Variants in TBC1D12 observed in about 807,000 individuals in gnomAD.
The protein encoded by TBC1D12 is TBC1 domain family, member 12.
In TBC1D12, 56 loss-of-function variants were observed where a neutral mutation model predicts 86.7. That is an observed-to-expected ratio of 0.65 (90% CI 0.52 to 0.81). TBC1D12 has a LOEUF of 0.81. Among genes scored for constraint, TBC1D12 ranks in the 30% least tolerant of loss-of-function variants. The pLI is 0.00. For synonymous variants in TBC1D12, 421 were observed against 411.7 expected (o/e 1.02, Z -0.27); for missense variants, 1,023 against 1,038.8 (o/e 0.98, Z 0.21).
intron 6 of TBC1D12, among the ~76,000 whole-genome samples, chr10:94,500,534 G>A (rs2134188571): frequency 6.6e-6 from 1 of 152,124 alleles, no homozygotes; most frequent in East Asian, 1.9e-4. Context: ...AAGATTTATG[G>A]TTTTCCCTTT....
Position 94,531,182 on chromosome 10 carries a change from A to AT in TBC1D12, c.2001-15dup, listed in dbSNP as rs769343677. The AT allele has an allele frequency of 6.3e-7, 1 of 1,596,310 alleles. No homozygotes were observed. The highest frequency in any genetic ancestry group is 1.1e-5 in the South Asian group (1 of 88,386). ...CAATGAATGAAAAATTTCAGTGACC[A>AT]TTTTTCCCTCTAATTTTAGGATCTT... is the stretch of plus-strand genomic sequence containing the variant. On this transcript the variant is annotated intron_variant, in intron 11 of 12. Coordinates refer to ENST00000225235, the MANE Select transcript of TBC1D12 (RefSeq NM_015188.2).
At chr10:94,507,449 A>G (rs889914989) in intron 7 of TBC1D12, 102 bp downstream of exon 7, 1 of 1,042,658 alleles carries the variant, frequency 9.6e-7, no homozygotes, top group African/African-American at 1.7e-5. Flanking sequence ...ATCTTATTTA[A>G]TCTTAACCCT....
At chr10:94,428,454 AT>A (rs1430612509) in intron 1 of TBC1D12, among the ~76,000 whole-genome samples, 1 of 151,120 alleles carries the variant, frequency 6.6e-6, no homozygotes, top group African/African-American at 2.4e-5. Context: ...TGCCTGGCTA[AT>A]TTTTATACTT....
intron 1 of TBC1D12, among the ~76,000 whole-genome samples, chr10:94,438,149 G>A (rs1444595339): frequency 6.6e-6 from 1 of 151,500 alleles, no homozygotes; most frequent in Non-Finnish European, 1.5e-5. Context: ...ATTTTTTGTT[G>A]TTGACAACTG....
At chr10:94,509,934 A>G (rs1311882878) in intron 7 of TBC1D12, 157 bp from the exon 8 acceptor site, 3 of 591,022 alleles carry the variant, frequency 5.1e-6, no homozygotes, top group Non-Finnish European at 8.7e-6. Flanking sequence ...CAAGAGAATA[A>G]CAAGTTCTAA....
At chr10:94,404,185 C>T (rs1420509793) in intron 1 of TBC1D12, among the ~76,000 whole-genome samples, 2 of 152,194 alleles carry the variant, frequency 1.3e-5, no homozygotes, top group African/African-American at 4.8e-5. Flanking sequence ...TATTAAAATG[C>T]AGTTTGGTGT....
intron 1 of TBC1D12, among the ~76,000 whole-genome samples, chr10:94,405,506 T>C (rs1158229637): frequency 6.6e-6 from 1 of 152,214 alleles, no homozygotes. Flanking sequence ...AAGCTTGTAC[T>C]GGCAGTATTC....
intron 2 of TBC1D12, among the ~76,000 whole-genome samples, chr10:94,458,080 C>T (rs934453526): frequency 1.3e-5 from 2 of 151,986 alleles, no homozygotes; most frequent in Non-Finnish European, 2.9e-5. Context: ...TTGTTTATCC[C>T]CTCTAAAATT....
chr10:94,521,010 C>A (rs1389465550), intron 9 of TBC1D12, among the ~76,000 whole-genome samples: 4 of 151,996 alleles, frequency 2.6e-5, no homozygotes, highest in African/African-American at 9.7e-5. Context: ...TTATACAAAT[C>A]TCTTCTAGAA....
chr10:94,450,176 ATATC>A (rs1439054568), intron 2 of TBC1D12, among the ~76,000 whole-genome samples: 3 of 152,166 alleles, frequency 2.0e-5, no homozygotes, highest in Non-Finnish European at 2.9e-5. Context: ...GCATATATCT[ATATC>A]TATATCTACA....
chr10:94,424,529 G>A (rs577241157), intron 1 of TBC1D12, among the ~76,000 whole-genome samples: 1 of 152,170 alleles, frequency 6.6e-6, no homozygotes, highest in African/African-American at 2.4e-5. Flanking sequence ...CTAGAATAAG[G>A]CCTTTCTGTT....
At chr10:94,474,504 C>CA (rs972368174) in intron 2 of TBC1D12, among the ~76,000 whole-genome samples, 164 bp from the exon 3 acceptor site, 34 of 145,648 alleles carry the variant, frequency 2.3e-4, no homozygotes, top group Admixed American at 2.8e-4. Flanking sequence ...CCTCCACCTC[C>CA]AAAAAAAAAA....
chr10:94,422,221 C>T (rs1228559426), intron 1 of TBC1D12, among the ~76,000 whole-genome samples: 11 of 130,508 alleles, frequency 8.4e-5, no homozygotes, highest in African/African-American at 2.6e-4. Flanking sequence ...GTCAGAGTCT[C>T]GCTGTGTCAC....
chr10:94,450,289 A>G (rs2055529640), intron 2 of TBC1D12, among the ~76,000 whole-genome samples: 1 of 152,038 alleles, frequency 6.6e-6, no homozygotes, highest in Admixed American at 6.6e-5. Flanking sequence ...GCTTTAGTGG[A>G]GTTGTGACAG....
chr10:94,451,693 A>G (rs563340315), intron 2 of TBC1D12, among the ~76,000 whole-genome samples: 1 of 152,138 alleles, frequency 6.6e-6, no homozygotes, highest in Non-Finnish European at 1.5e-5. Context: ...TATTTCTGCT[A>G]GTTTTTGCTA....
At chr10:94,493,780 T>C (rs2056278011) in intron 4 of TBC1D12, among the ~76,000 whole-genome samples, 1 of 152,080 alleles carries the variant, frequency 6.6e-6, no homozygotes, top group African/African-American at 2.4e-5. Flanking sequence ...TATTTTTCTC[T>C]ACTATTTTTA....
intron 2 of TBC1D12, among the ~76,000 whole-genome samples, chr10:94,451,790 A>G (rs2055552890): frequency 6.6e-6 from 1 of 152,076 alleles, no homozygotes; most frequent in South Asian, 2.1e-4. Context: ...GACATCATGT[A>G]TGGAAGACAG....
intron 2 of TBC1D12, among the ~76,000 whole-genome samples, chr10:94,442,981 A>AT (rs2055403462): frequency 6.6e-6 from 1 of 152,064 alleles, no homozygotes; most frequent in Admixed American, 6.5e-5. Context: ...TAAAAGGTTT[A>AT]TTTTTTTCCT....
At position 94,423,272 on chromosome 10, in the gene TBC1D12, C is replaced by A. The variant is rs528691138; in HGVS notation, c.972-18624C>A. Among the ~76,000 whole-genome samples the A allele has an allele frequency of 2.2e-4, 33 of 151,364 alleles. 1 individual carries two copies. Among genetic ancestry groups the A allele is most frequent in the Admixed American group, 1.3e-3 (19 of 15,178 alleles). ...CTGCCTCCTGATTGTTCAATGCATG[C>A]TTTCTACCTACAAAGGCTCTGTGAA... On this transcript the variant is annotated intron_variant, in intron 1 of 12. Transcript: ENST00000225235.
Sources: gnomAD v4.1 joint callset for allele counts (sites outside exome capture counted in the v4.1 genomes callset) on GRCh38, gnomAD v4.1.1 for gene constraint, MANE v1.5 for transcripts, NCBI Gene and HGNC (gene_info 2026-07-23, HGNC 2026-07-21) for gene names.